MAPK10: variants seen among roughly 807,000 people sequenced by gnomAD.
MAPK10 encodes JNK3 alpha protein kinase.
A neutral mutation model predicts 59.3 loss-of-function variants in MAPK10; 25 were observed. The ratio of observed to expected loss-of-function variants is 0.42; its 90% CI spans 0.31 to 0.59. The LOEUF is 0.59. Among genes scored for constraint, MAPK10 ranks in the 20% least tolerant of loss-of-function variants. The pLI, the probability that MAPK10 is intolerant of heterozygous loss-of-function variation, is 0.15. For missense variants in MAPK10, 351 were observed against 568.9 expected (o/e 0.62, Z 3.90); for synonymous variants, 190 against 200.5 (o/e 0.95, Z 0.44).
chr4:86,344,235 T>C (rs1488606648), intron 2 of MAPK10, among the ~76,000 whole-genome samples: 2 of 152,142 alleles, frequency 1.3e-5, no homozygotes, highest in Non-Finnish European at 2.9e-5. Context: ...CCAGGAATTC[T>C]ATCCCCTCAG....
intron 3 of MAPK10, chr4:86,164,353 G>A (rs1242715405): frequency 2.0e-5 from 3 of 152,102 alleles, no homozygotes; most frequent in Non-Finnish European, 4.4e-5. Context: ...GAAGACTTAA[G>A]TTATGAATAT....
chr4:86,547,990 A>G (rs1759379657), intron 1 of MAPK10, among the ~76,000 whole-genome samples: 1 of 152,234 alleles, frequency 6.6e-6, no homozygotes, highest in Non-Finnish European at 1.5e-5. Context: ...GTGGAGCCAG[A>G]CAAGAGAATA....
intron 9 of MAPK10, chr4:86,091,134 G>C (rs1202675025): frequency 6.6e-6 from 1 of 151,592 alleles, no homozygotes; most frequent in Non-Finnish European, 1.5e-5. Flanking sequence ...CAACTGCCTG[G>C]TACATAGCAA....
intron 9 of MAPK10, among the ~76,000 whole-genome samples, chr4:86,071,744 G>A (rs2048029999): frequency 6.6e-6 from 1 of 150,994 alleles, no homozygotes; most frequent in Non-Finnish European, 1.5e-5. Flanking sequence ...CTGTTCCATT[G>A]ATCTATATCT....
At chr4:86,353,139 G>T in intron 2 of MAPK10, among the ~76,000 whole-genome samples, 1 of 147,410 alleles carries the variant, frequency 6.8e-6, no homozygotes, top group South Asian at 2.2e-4. Flanking sequence ...CCACATCCGT[G>T]GTAGAGTCTC....
Position 86,101,008 on chromosome 4 carries a change from G to A in MAPK10, c.730+44C>T, listed in dbSNP as rs186494463. 138 of 1,579,210 alleles carry A rather than the reference G, an allele frequency of 8.7e-5. No individual in the cohort carries two copies. In the East Asian group the frequency reaches 2.6e-3, roughly 30 times the overall value. ...CCTTGGCTATCTACAACGTGCACCC[G>A]TTTCATTCATGGTTTTGATGCTGCT... On this transcript the variant is annotated intron_variant, in intron 8 of 13. Coordinates refer to ENST00000641462, the MANE Select transcript of MAPK10 (RefSeq NM_138982.4).
At chr4:86,119,755 G>C (rs1207684190) in intron 4 of MAPK10, 1 of 152,118 alleles carries the variant, frequency 6.6e-6, no homozygotes, top group African/African-American at 2.4e-5. Context: ...AGCCCCCTTT[G>C]AGGATGACCT....
Position 86,014,306 on chromosome 4 carries a change from GTGTGTGTGTGT to G in MAPK10, c.*2911_*2921del, listed in dbSNP as rs1742410974. 1 of 67,192 alleles carries G rather than the reference GTGTGTGTGTGT, an allele frequency of 1.5e-5. No individual in the cohort carries two copies. Among genetic ancestry groups the G allele is most frequent in the Non-Finnish European group, 3.2e-5 (1 of 31,086 alleles). 4.2% of individuals were successfully genotyped at this position (67,192 alleles called of 1,614,324 possible). A position where few individuals can be genotyped will look rare whatever the true frequency, so the allele number is the denominator to read the frequency against. On this transcript the variant is annotated 3_prime_UTR_variant, in exon 14 of 14. Transcript: ENST00000641462. The stretch of plus-strand genomic sequence containing the variant: ...TGACTATTTAAGAAATATTTGGGGT[GTGTGTGTGTGT>G]GTGTGTGTGTGTGTGTGTGTGTGTG...
chr4:86,523,394 A>C (rs994363763), intron 1 of MAPK10, among the ~76,000 whole-genome samples: 3 of 152,218 alleles, frequency 2.0e-5, no homozygotes, highest in African/African-American at 7.2e-5. Context: ...GAGTGCTTTA[A>C]GCAGGAGCAA....
At chr4:86,064,418 A>C (rs926117962) in intron 10 of MAPK10, 28 bp from the exon 11 acceptor site, 1 of 1,612,456 alleles carries the variant, frequency 6.2e-7, no homozygotes, top group Non-Finnish European at 8.5e-7. Flanking sequence ...AAAAACAATT[A>C]GTAAGATTTT....
At chr4:86,372,557 AAAG>A (rs1564749104) in intron 1 of MAPK10, among the ~76,000 whole-genome samples, 22 of 19,604 alleles carry the variant, frequency 1.1e-3, no homozygotes, top group African/African-American at 1.9e-3. Context: ...AGAAAGAAAG[AAAG>A]AAAGAAAGAA....
At chr4:86,226,419 C>T (rs971317909) in intron 2 of MAPK10, among the ~76,000 whole-genome samples, 1 of 152,198 alleles carries the variant, frequency 6.6e-6, no homozygotes, top group Non-Finnish European at 1.5e-5. Flanking sequence ...AGAGGAAAAA[C>T]TTAGCATATT....
At chr4:86,515,819 T>G (rs1446059370) in intron 1 of MAPK10, among the ~76,000 whole-genome samples, 2 of 152,208 alleles carry the variant, frequency 1.3e-5, no homozygotes, top group Non-Finnish European at 2.9e-5. Context: ...TTTCTTTTGT[T>G]GTGCAGAAGC....
chr4:86,413,951 G>T (rs1745528647), intron 1 of MAPK10, among the ~76,000 whole-genome samples: 1 of 152,134 alleles, frequency 6.6e-6, no homozygotes, highest in Non-Finnish European at 1.5e-5. Context: ...CCAGTGAGAT[G>T]AACCAGGTAC....
chr4:86,415,152 A>C (rs1745704796), intron 1 of MAPK10, among the ~76,000 whole-genome samples: 1 of 151,850 alleles, frequency 6.6e-6, no homozygotes, highest in East Asian at 1.9e-4. Flanking sequence ...AAAAAAAAAA[A>C]AAAACTTCCA....
intron 1 of MAPK10, among the ~76,000 whole-genome samples, chr4:86,464,005 A>G (rs1751978031): frequency 6.6e-6 from 1 of 152,152 alleles, no homozygotes; most frequent in African/African-American, 2.4e-5. Flanking sequence ...CTAACTCTTT[A>G]TTTGGATCAA....
At chr4:86,576,176 A>G (rs1761873384) in intron 1 of MAPK10, among the ~76,000 whole-genome samples, 1 of 152,114 alleles carries the variant, frequency 6.6e-6, no homozygotes, top group African/African-American at 2.4e-5. Context: ...TGTTTTTAAA[A>G]GAATCATTCA....
intron 11 of MAPK10, among the ~76,000 whole-genome samples, chr4:86,056,130 T>C (rs2044503453): frequency 6.7e-6 from 1 of 150,162 alleles, no homozygotes; most frequent in African/African-American, 2.5e-5. Context: ...CAACGGGAGA[T>C]ACAGTCTGTA....
chr4:86,073,985 A>G (rs2048631383), intron 9 of MAPK10, among the ~76,000 whole-genome samples: 2 of 98,644 alleles, frequency 2.0e-5, no homozygotes, highest in Non-Finnish European at 4.2e-5. Context: ...TCTAATGTTG[A>G]CAGTGGGGTG....
Sources: allele counts gnomAD v4.1 joint callset (sites outside exome capture counted in the v4.1 genomes callset), GRCh38; gene constraint gnomAD v4.1.1; transcripts MANE v1.5; gene names NCBI Gene and HGNC (gene_info 2026-07-23, HGNC 2026-07-21).